The following PTPRR variants were observed in gnomAD, a reference collection of about 807,000 sequenced individuals.
PTPRR encodes protein tyrosine phosphatase receptor type R, also known as receptor-type tyrosine-protein phosphatase R.
In PTPRR, 38 loss-of-function variants were observed where a neutral mutation model predicts 77.2. The ratio of observed to expected loss-of-function variants is 0.49; its 90% CI spans 0.38 to 0.65. The LOEUF is 0.65. Among genes scored for constraint, PTPRR ranks in the 30% least tolerant of loss-of-function variants. The pLI is 0.00. For missense variants in PTPRR, 744 were observed against 799.2 expected, an observed-to-expected ratio of 0.93 and a Z score of 0.83; for synonymous variants, 299 against 283.1, an observed-to-expected ratio of 1.06 and a Z score of -0.57.
chr12:70,769,360 C>A (rs942837802), intron 2 of PTPRR, among the ~76,000 whole-genome samples: 5 of 151,624 alleles, frequency 3.3e-5, no homozygotes, highest in African/African-American at 1.2e-4. Context: ...TTCTTATACA[C>A]CAATAACAGA....
chr12:70,724,026 G>T (rs1889350002), intron 6 of PTPRR, among the ~76,000 whole-genome samples: 1 of 152,130 alleles, frequency 6.6e-6, no homozygotes, highest in African/African-American at 2.4e-5. Context: ...TGAAATAGGA[G>T]AGCAAAATGT....
At chr12:70,651,944 TG>T (rs1338349395) in intron 13 of PTPRR, among the ~76,000 whole-genome samples, 1 of 152,014 alleles carries the variant, frequency 6.6e-6, no homozygotes, top group Non-Finnish European at 1.5e-5. Flanking sequence ...TTCCTTCACT[TG>T]GGTTTATTTT....
intron 2 of PTPRR, among the ~76,000 whole-genome samples, chr12:70,768,878 C>T (rs1025508862): frequency 1.3e-3 from 191 of 151,452 alleles, no homozygotes; most frequent in Middle Eastern, 6.8e-3. Context: ...TAAATGTAAT[C>T]CAGCATATAA....
chr12:70,693,384 C>A (rs936013280), intron 8 of PTPRR, among the ~76,000 whole-genome samples: 1 of 152,088 alleles, frequency 6.6e-6, no homozygotes, highest in Non-Finnish European at 1.5e-5. Flanking sequence ...GCGACCTCAA[C>A]CTCCCGGGCT....
At chr12:70,703,133 C>T (rs1345278804) in intron 6 of PTPRR, among the ~76,000 whole-genome samples, 1 of 151,088 alleles carries the variant, frequency 6.6e-6, no homozygotes, top group East Asian at 1.9e-4. Flanking sequence ...CAGTTTTTAC[C>T]TTGTACATTG....
intron 4 of PTPRR, among the ~76,000 whole-genome samples, chr12:70,756,829 A>G (rs939724874): frequency 6.6e-6 from 1 of 152,132 alleles, no homozygotes; most frequent in African/African-American, 2.4e-5. Context: ...GGAGATCCCA[A>G]ATGCTAGGAG....
chr12:70,662,683 A>C, intron 10 of PTPRR, 78 bp from the exon 11 acceptor site: 24 of 747,168 alleles, frequency 3.2e-5, no homozygotes, highest in Non-Finnish European at 4.6e-5. Context: ...CAAGCATCTC[A>C]AGAGTTTTAT....
chr12:70,722,699 G>A (rs1780158935), intron 6 of PTPRR, among the ~76,000 whole-genome samples: 1 of 152,074 alleles, frequency 6.6e-6, no homozygotes, highest in Admixed American at 6.6e-5. Flanking sequence ...AAGAAAATAT[G>A]CAGGTGGCTA....
At chr12:70,761,433 T>C in intron 4 of PTPRR, 38 bp downstream of exon 4, 1 of 1,509,214 alleles carries the variant, frequency 6.6e-7, no homozygotes, top group East Asian at 2.3e-5. Flanking sequence ...TGCTAACTGT[T>C]CACATTTTTA....
intron 2 of PTPRR, among the ~76,000 whole-genome samples, chr12:70,767,549 C>T (rs1327354686): frequency 6.6e-6 from 1 of 152,042 alleles, no homozygotes; most frequent in Non-Finnish European, 1.5e-5. Context: ...GACTTAGACT[C>T]CTACACAATA....
chr12:70,805,137 T>A lies in PTPRR; in HGVS notation c.358-40359A>T, dbSNP rs151016202. ...GATGCCATTTTCTAAACCAAAAGTA[T>A]AGGTTTATCTTAGCATTGTATAAAT... On this transcript the variant is annotated intron_variant, in intron 2 of 13. Transcript: ENST00000283228. 6.1e-3 allele frequency among the ~76,000 whole-genome samples: 933 copies of A among 152,234 alleles called. 4 individuals are homozygous for A. The highest frequency in any genetic ancestry group is 0.01 in the Non-Finnish European group (695 of 68,006).
chr12:70,672,971 C>A, intron 10 of PTPRR: 1 of 1,405,606 alleles, frequency 7.1e-7, no homozygotes, highest in Non-Finnish European at 9.4e-7. Flanking sequence ...CTGTAAGCCT[C>A]CTCTTCTAGG....
At chr12:70,757,814 A>G (rs1227253562) in intron 4 of PTPRR, among the ~76,000 whole-genome samples, 1 of 152,268 alleles carries the variant, frequency 6.6e-6, no homozygotes, top group Non-Finnish European at 1.5e-5. Context: ...TTATAATTTT[A>G]AGATTAAAAT....
At chr12:70,825,252 T>G (rs1425845640) in intron 2 of PTPRR, among the ~76,000 whole-genome samples, 1 of 152,062 alleles carries the variant, frequency 6.6e-6, no homozygotes, top group African/African-American at 2.4e-5. Context: ...CACTCCAGCC[T>G]GGGCGACAGA....
At chr12:70,693,470 T>C (rs1179001167) in intron 8 of PTPRR, among the ~76,000 whole-genome samples, 4 of 152,088 alleles carry the variant, frequency 2.6e-5, no homozygotes, top group African/African-American at 4.8e-5. Flanking sequence ...CTACATTTTG[T>C]ATTTTTTGGT....
At chr12:70,727,694 C>T (rs548594495) in intron 6 of PTPRR, among the ~76,000 whole-genome samples, 99 of 152,288 alleles carry the variant, frequency 6.5e-4, no homozygotes, top group African/African-American at 2.2e-3. Flanking sequence ...AGCTACATCA[C>T]TGCACCAATA....
rs565404588 is a variant in PTPRR at position 70,740,061 on chromosome 12, A to G, written c.1007+5757T>C. ...AGCCAAATGGGGATTTTTGCACAGC[A>G]AAGTATGATAATGAAAGATTGTTAT... On this transcript the variant is annotated intron_variant, in intron 6 of 13. Transcript: ENST00000283228. Among the ~76,000 whole-genome samples the G allele has an allele frequency of 9.8e-5, 15 of 152,344 alleles. 1 individual carries two copies. The East Asian group carries it at 2.9e-3, about 29-fold the overall frequency.
At chr12:70,663,555 TTTG>T (rs1412861119) in intron 10 of PTPRR, among the ~76,000 whole-genome samples, 1 of 152,232 alleles carries the variant, frequency 6.6e-6, no homozygotes, top group Non-Finnish European at 1.5e-5. Flanking sequence ...TAAATATTAT[TTTG>T]GTATTATTAT....
chr12:70,812,316 C>T (rs1039551118), intron 2 of PTPRR, among the ~76,000 whole-genome samples: 1 of 152,084 alleles, frequency 6.6e-6, no homozygotes, highest in African/African-American at 2.4e-5. Flanking sequence ...TGGGCAGCCA[C>T]GTGACACCCA....
Sources: gnomAD v4.1 joint callset for allele counts (sites outside exome capture counted in the v4.1 genomes callset) on GRCh38, gnomAD v4.1.1 for gene constraint, MANE v1.5 for transcripts, NCBI Gene and HGNC (gene_info 2026-07-23, HGNC 2026-07-21) for gene names.